LAMA3: variants seen among roughly 807,000 people sequenced by gnomAD.
The protein encoded by LAMA3 is laminin subunit alpha-3.
A neutral mutation model predicts 402.0 loss-of-function variants in LAMA3; 281 were observed. That is an observed-to-expected ratio of 0.70 (90% confidence interval 0.63 to 0.77). LAMA3 has a LOEUF of 0.77. LAMA3 is among the 30% of genes least tolerant of loss of function. The pLI is 0.00. For synonymous variants in LAMA3, 1,431 were observed against 1,558.4 expected (o/e 0.92, Z 1.93); for missense variants, 3,840 against 4,215.5 (o/e 0.91, Z 2.47).
intron 2 of LAMA3, among the ~76,000 whole-genome samples, chr18:23,733,171 G>A (rs1436273331): frequency 1.3e-5 from 2 of 152,130 alleles, no homozygotes; most frequent in Non-Finnish European, 2.9e-5. Context: ...TTCTTGGAGA[G>A]TCAAATGCAT....
chr18:23,853,350 C>T (rs999900341), intron 32 of LAMA3, among the ~76,000 whole-genome samples: 1 of 152,082 alleles, frequency 6.6e-6, no homozygotes, highest in South Asian at 2.1e-4. Context: ...CTCGGCTCAC[C>T]GCAACCTCTG....
At chr18:23,885,217 A>G (rs1030370335) in intron 41 of LAMA3, among the ~76,000 whole-genome samples, 1 of 149,538 alleles carries the variant, frequency 6.7e-6, no homozygotes, top group East Asian at 2.0e-4. Context: ...CCTTCCACAT[A>G]TCTCCACATA....
chr18:23,773,457 C>T (rs1173305754), intron 8 of LAMA3, 40 bp from the exon 9 acceptor site: 2 of 1,277,054 alleles, frequency 1.6e-6, no homozygotes, highest in East Asian at 2.5e-5. Context: ...AATCGTCTTC[C>T]CCAGAACCCT....
chr18:23,853,883 C>T lies in LAMA3; in HGVS notation c.4137-3961C>T, dbSNP rs532690590. On this transcript the variant is annotated intron_variant, in intron 32 of 74. Transcript: ENST00000313654. ...GACTTTGAAGAGGAAATGTCCTCTT[C>T]CTTCCCTATTGTCATGGCACCACCA... 8.6e-4 allele frequency among the ~76,000 whole-genome samples: 131 copies of T among 152,348 alleles called. No homozygotes were observed. The Middle Eastern group carries it at 0.01, about 12-fold the overall frequency.
intron 2 of LAMA3, among the ~76,000 whole-genome samples, chr18:23,722,790 T>C (rs1343606328): frequency 6.6e-6 from 1 of 152,176 alleles, no homozygotes; most frequent in Non-Finnish European, 1.5e-5. Flanking sequence ...GTTAAGATGA[T>C]AAAATGATAA....
At chr18:23,715,448 G>A (rs2061080630) in intron 2 of LAMA3, among the ~76,000 whole-genome samples, 1 of 152,184 alleles carries the variant, frequency 6.6e-6, no homozygotes. Context: ...TGGTGACTTT[G>A]ATAAGAGAGC....
Position 23,751,043 on chromosome 18 carries a change from A to G in LAMA3, c.810A>G (p.Gly270=), listed in dbSNP as rs1294055761. 11 of 1,613,992 alleles carry G rather than the reference A, an allele frequency of 6.8e-6. No homozygotes were observed. The highest frequency in any genetic ancestry group is 1.7e-5 in the Admixed American group (1 of 59,990). The change falls in exon 5 of 75, where the codon GGA becomes GGG. Residue 270 remains glycine, a synonymous_variant. Transcript: ENST00000313654. ...LRFLRTNTLL[G]HLISKAQRDP... Reference sequence around the variant, plus strand: ...TTCTTAGAACCAATACGCTTCTTGGACACCTCATCTCCAAAGCCCAGCGAG... The same window carrying G: ...TTCTTAGAACCAATACGCTTCTTGGGCACCTCATCTCCAAAGCCCAGCGAG...
intron 44 of LAMA3, among the ~76,000 whole-genome samples, chr18:23,896,199 G>A (rs2080868109): frequency 2.0e-5 from 3 of 152,192 alleles, no homozygotes; most frequent in Admixed American, 2.0e-4. Context: ...AGCCAGGCAT[G>A]ATGGCACATG....
intron 68 of LAMA3, among the ~76,000 whole-genome samples, chr18:23,942,880 A>G (rs1253857888): frequency 6.6e-6 from 1 of 152,176 alleles, no homozygotes; most frequent in Non-Finnish European, 1.5e-5. Flanking sequence ...TACAGGCGTG[A>G]GCCACCTTGC....
chr18:23,696,281 T>G (rs1456549814), intron 1 of LAMA3, among the ~76,000 whole-genome samples: 3 of 152,256 alleles, frequency 2.0e-5, no homozygotes, highest in Non-Finnish European at 4.4e-5. Context: ...CTTTAATGTA[T>G]CATTGAATTC....
chr18:23,919,025 T>G (rs2081740244), intron 60 of LAMA3, among the ~76,000 whole-genome samples: 2 of 152,232 alleles, frequency 1.3e-5, no homozygotes, highest in Non-Finnish European at 2.9e-5. Context: ...TCTTTGTATA[T>G]AATTTGAAGT....
At chr18:23,868,088 G>T (rs2064409607) in intron 37 of LAMA3, among the ~76,000 whole-genome samples, 171 bp downstream of exon 37, 1 of 151,968 alleles carries the variant, frequency 6.6e-6, no homozygotes, top group Non-Finnish European at 1.5e-5. Context: ...AATCCAAAAT[G>T]CCCCAAAACG....
intron 72 of LAMA3, 145 bp downstream of exon 72, chr18:23,950,304 C>G: frequency 1.1e-6 from 1 of 879,258 alleles, no homozygotes; most frequent in Non-Finnish European, 1.8e-6. Flanking sequence ...TACCATTTTC[C>G]TTTAGCAAGT....
intron 8 of LAMA3, among the ~76,000 whole-genome samples, chr18:23,768,113 A>C (rs756525424): frequency 2.0e-5 from 3 of 152,094 alleles, no homozygotes; most frequent in Non-Finnish European, 2.9e-5. Context: ...AATTTCAACA[A>C]AACAAAAAAT....
Position 23,901,119 on chromosome 18 carries a change from T to C in LAMA3, c.6005-8T>C, listed in dbSNP as rs1212825491. 1 of 1,612,058 alleles carries C rather than the reference T, an allele frequency of 6.2e-7. No homozygotes were observed. The highest frequency in any genetic ancestry group is 1.3e-5 in the African/African-American group (1 of 74,848). On this transcript the variant is annotated splice_polypyrimidine_tract_variant and splice_region_variant and intron_variant, in intron 47 of 74. Transcript: ENST00000313654. ...GTCAAATAGAAAACATGAGGTGATG[T>C]ATTACAGTGCTGAACCGGATAAGGA...
rs750159807 is a variant in LAMA3, at chr18:23,907,656, G to C, written c.6825G>C (p.Gly2275=). 9 of 1,612,298 alleles carry C rather than the reference G, an allele frequency of 5.6e-6. No individual in the cohort carries two copies. The East Asian group carries it at 6.7e-5, about 12-fold the overall frequency. ...CAACTCTCCGAGATGGTCTTCATGGGATACAGAGAGGTCAGCATCTTCCTA... is the reference window on the plus strand; with the variant it reads ...CAACTCTCCGAGATGGTCTTCATGGCATACAGAGAGGTCAGCATCTTCCTA... ...NLTTLRDGLH[G]IQRGDIDAMI... The change falls in exon 53 of 75, where the codon GGG becomes GGC. Residue 2275 remains glycine (G), a synonymous_variant. Coordinates refer to ENST00000313654, the MANE Select transcript of LAMA3 (RefSeq NM_198129.4).
chr18:23,941,916 A>G (rs2082535782), intron 68 of LAMA3, among the ~76,000 whole-genome samples: 1 of 152,216 alleles, frequency 6.6e-6, no homozygotes, highest in Non-Finnish European at 1.5e-5. Flanking sequence ...GCTACCCCTC[A>G]TTCTCCAAAC....
chr18:23,803,826 G>A (rs2062911155), intron 12 of LAMA3, among the ~76,000 whole-genome samples: 1 of 152,150 alleles, frequency 6.6e-6, no homozygotes, highest in African/African-American at 2.4e-5. Flanking sequence ...TCTAAAACAG[G>A]CCTAAGTTTT....
chr18:23,706,010 T>C (rs968103349), intron 1 of LAMA3, among the ~76,000 whole-genome samples: 9 of 152,318 alleles, frequency 5.9e-5, no homozygotes, highest in African/African-American at 2.2e-4. Flanking sequence ...TTTTATTACA[T>C]CTGTACGTAT....
Sources: gnomAD v4.1 joint callset for allele counts (sites outside exome capture counted in the v4.1 genomes callset) on GRCh38, gnomAD v4.1.1 for gene constraint, MANE v1.5 for transcripts, NCBI Gene and HGNC (gene_info 2026-07-23, HGNC 2026-07-21) for gene names.